The following CWC27 variants were observed in gnomAD, a reference collection of about 807,000 sequenced individuals.
CWC27 encodes spliceosome-associated protein CWC27 homolog.
Under a neutral mutation model 63.6 loss-of-function variants are expected in CWC27, and 47 were observed. The observed-to-expected ratio is 0.74, with a 90% CI of 0.58 to 0.94. CWC27 has a LOEUF of 0.94. Ranked by LOEUF, CWC27 falls within the 40% of genes least tolerant of loss-of-function variation. The pLI is 0.00. For missense variants in CWC27, 495 were observed against 554.3 expected, an observed-to-expected ratio of 0.89 and a Z score of 1.07; for synonymous variants, 175 against 179.8, an observed-to-expected ratio of 0.97 and a Z score of 0.22.
intron 11 of CWC27, among the ~76,000 whole-genome samples, chr5:64,958,048 CA>C (rs1377502978): frequency 1.3e-5 from 2 of 151,460 alleles, no homozygotes; most frequent in Admixed American, 1.3e-4. Flanking sequence ...CCTGAAAAGA[CA>C]AGATAAAATT....
At chr5:64,933,374 AC>A (rs1373339989) in intron 11 of CWC27, among the ~76,000 whole-genome samples, 1 of 152,224 alleles carries the variant, frequency 6.6e-6, no homozygotes, top group Non-Finnish European at 1.5e-5. Flanking sequence ...CTTGCAGAAA[AC>A]AGTACAATGA....
At chr5:64,877,095 A>G (rs1746811359) in intron 10 of CWC27, among the ~76,000 whole-genome samples, 2 of 152,042 alleles carry the variant, frequency 1.3e-5, no homozygotes, top group African/African-American at 4.8e-5. Context: ...TTGTTATATC[A>G]AAGGGATACC....
chr5:64,880,147 C>A (rs1746902199), intron 10 of CWC27, among the ~76,000 whole-genome samples: 1 of 151,966 alleles, frequency 6.6e-6, no homozygotes, highest in Non-Finnish European at 1.5e-5. Context: ...CTTTTCTTCA[C>A]TGAATTTCAA....
At chr5:64,985,579 C>A (rs1039591358) in intron 13 of CWC27, among the ~76,000 whole-genome samples, 1 of 152,072 alleles carries the variant, frequency 6.6e-6, no homozygotes, top group Non-Finnish European at 1.5e-5. Flanking sequence ...CATTGTTATA[C>A]AGAAATATGA....
chr5:64,940,420 G>A lies in CWC27; in HGVS notation c.1043-31283G>A, dbSNP rs150968308. Among the ~76,000 whole-genome samples, 220 of 152,210 alleles carry A rather than the reference G, an allele frequency of 1.4e-3. 1 individual carries two copies. The highest frequency in any genetic ancestry group is 4.9e-3 in the African/African-American group (202 of 41,530). On this transcript the variant is annotated intron_variant, in intron 11 of 13. Transcript: ENST00000381070. ...GTGAGGCAGCGCCCCACCCTGTTTC[G>A]GCTCACCCTCCGTGGGCTGCACCCA... is the stretch of plus-strand genomic sequence containing the variant.
chr5:64,901,077 C>T (rs1747494413), intron 11 of CWC27, among the ~76,000 whole-genome samples: 1 of 151,920 alleles, frequency 6.6e-6, no homozygotes, highest in African/African-American at 2.4e-5. Context: ...TCCAGCGTGA[C>T]CCAGGGAAGC....
At chr5:64,908,083 C>T (rs1046674504) in intron 11 of CWC27, among the ~76,000 whole-genome samples, 8 of 152,232 alleles carry the variant, frequency 5.3e-5, no homozygotes, top group East Asian at 1.9e-4. Context: ...TGGTACATTG[C>T]GTCTTTGTTC....
intron 10 of CWC27, among the ~76,000 whole-genome samples, chr5:64,857,123 A>G (rs147335645): frequency 1.5e-3 from 227 of 152,314 alleles, no homozygotes; most frequent in African/African-American, 5.0e-3. Flanking sequence ...CAGCTGGGCA[A>G]TATGTTGTTT....
intron 13 of CWC27, among the ~76,000 whole-genome samples, chr5:65,006,896 G>A (rs895776742): frequency 1.3e-5 from 2 of 149,606 alleles, no homozygotes; most frequent in South Asian, 4.2e-4. Context: ...CCCATGACAC[G>A]TTACCTATGT....
intron 13 of CWC27, among the ~76,000 whole-genome samples, chr5:65,011,216 G>C (rs1176504605): frequency 2.0e-5 from 3 of 152,126 alleles, no homozygotes. Flanking sequence ...GGGCAACATA[G>C]CAAAACCCCA....
At chr5:64,999,584 A>C (rs922224881) in intron 13 of CWC27, among the ~76,000 whole-genome samples, 26 of 152,118 alleles carry the variant, frequency 1.7e-4, no homozygotes, top group African/African-American at 5.8e-4. Flanking sequence ...GAGAATATGC[A>C]GTATTTCATC....
chr5:65,015,975 C>T (rs566521377), intron 13 of CWC27, among the ~76,000 whole-genome samples: 1 of 152,334 alleles, frequency 6.6e-6, no homozygotes, highest in Admixed American at 6.5e-5. Context: ...AATTGGCTTT[C>T]AGAGGTGTAT....
intron 11 of CWC27, among the ~76,000 whole-genome samples, chr5:64,891,395 A>G (rs1210781347): frequency 6.6e-6 from 1 of 152,208 alleles, no homozygotes; most frequent in Non-Finnish European, 1.5e-5. Context: ...TTTAAGTGCT[A>G]GAAACCATGC....
At chr5:64,989,367 A>T (rs1054066127) in intron 13 of CWC27, among the ~76,000 whole-genome samples, 1 of 152,222 alleles carries the variant, frequency 6.6e-6, no homozygotes, top group Non-Finnish European at 1.5e-5. Context: ...TTCTGTTAAG[A>T]TCCTTTTTTA....
intron 13 of CWC27, among the ~76,000 whole-genome samples, chr5:64,995,535 G>C (rs1036466908): frequency 2.6e-5 from 4 of 151,792 alleles, no homozygotes; most frequent in Non-Finnish European, 1.5e-5. Flanking sequence ...ACCTGGAATT[G>C]ATTTGCTTTA....
Position 64,769,063 on chromosome 5 carries a change from A to C in CWC27, c.-84A>C. On this transcript the variant is annotated 5_prime_UTR_variant, in exon 1 of 14. Coordinates refer to ENST00000381070, the MANE Select transcript of CWC27 (RefSeq NM_005869.4). ...TCCTGCACCACTGGACTTAAGGAAG[A>C]GTGTACTCGTAGGCGGACAGCTTTA... 1.8e-6 allele frequency: 2 copies of C among 1,097,668 alleles called. No homozygotes were observed. The highest frequency in any genetic ancestry group is 2.8e-6 in the Non-Finnish European group (2 of 714,856). The allele number at this position is 1,097,668 out of a possible 1,614,324, so 68.0% of individuals were successfully genotyped here. A position where few individuals can be genotyped will look rare whatever the true frequency, so the allele number is the denominator to read the frequency against.
intron 5 of CWC27, among the ~76,000 whole-genome samples, chr5:64,786,164 C>CAAAAAA (rs1209111233): frequency 1.2e-4 from 8 of 64,214 alleles, no homozygotes; most frequent in Admixed American, 1.9e-4. Context: ...GACTCCATCT[C>CAAAAAA]AAAAAAAAAA....
intron 11 of CWC27, among the ~76,000 whole-genome samples, chr5:64,965,033 G>A (rs374781762): frequency 1.3e-4 from 20 of 152,308 alleles, no homozygotes; most frequent in South Asian, 1.0e-3. Context: ...AGGTTGCAGT[G>A]AGCCAAGATC....
At chr5:64,912,738 A>T (rs1387855042) in intron 11 of CWC27, among the ~76,000 whole-genome samples, 1 of 152,194 alleles carries the variant, frequency 6.6e-6, no homozygotes, top group Non-Finnish European at 1.5e-5. Context: ...AAATGCTATT[A>T]TAAACAACCT....
Sources: gnomAD v4.1 joint callset for allele counts (sites outside exome capture counted in the v4.1 genomes callset) on GRCh38, gnomAD v4.1.1 for gene constraint, MANE v1.5 for transcripts, NCBI Gene and HGNC (gene_info 2026-07-23, HGNC 2026-07-21) for gene names.